Variants in RNASEH1 observed in about 807,000 individuals in gnomAD.
RNASEH1 encodes the protein ribonuclease H1.
RNASEH1 carries 27 observed loss-of-function variants against 34.6 expected under a neutral mutation model. The observed-to-expected ratio is 0.78, with a 90% CI of 0.58 to 1.08. RNASEH1 has a LOEUF of 1.08. Among genes scored for constraint, RNASEH1 ranks in the 50% least tolerant of loss-of-function variants. The probability of loss-of-function intolerance (pLI) is 0.00; values close to 1 mark genes in which losing one functional copy is unlikely to be tolerated. For synonymous variants in RNASEH1, 162 were observed against 138.4 expected, an observed-to-expected ratio of 1.17 and a Z score of -1.20; for missense variants, 349 against 373.6, an observed-to-expected ratio of 0.93 and a Z score of 0.54.
chr2:3,532,684 C>T, the RNASEH1 span, among the ~76,000 whole-genome samples: 1 of 152,210 alleles, frequency 6.6e-6, no homozygotes, highest in East Asian at 1.9e-4. Context: ...GTATCATCAT[C>T]TGACGAGGCC....
At chr2:3,541,136 GAC>G (rs1459272622), downstream of RNASEH1, among the ~76,000 whole-genome samples, 1 of 152,032 alleles carries the variant, frequency 6.6e-6, no homozygotes, top group Non-Finnish European at 1.5e-5. Context: ...AGACCATCCT[GAC>G]TAACACAGTG....
chr2:3,542,113 T>G lies in RNASEH1; in HGVS notation c.*3672A>C, dbSNP rs1223336528. On this transcript the variant is annotated 3_prime_UTR_variant, in exon 8 of 8. Transcript: ENST00000315212. ...AACACTGAGAACAGCCAATTTAGAT[T>G]TCAACATACAGATAACAGGGATCCC... Among the ~76,000 whole-genome samples, 1 of 151,956 alleles carries G rather than the reference T, an allele frequency of 6.6e-6. No homozygotes were observed. Among genetic ancestry groups the G allele is most frequent in the African/African-American group, 2.4e-5 (1 of 41,370 alleles).
intron 7 of RNASEH1, among the ~76,000 whole-genome samples, chr2:3,546,791 G>C (rs574485577): frequency 6.6e-6 from 1 of 152,232 alleles, no homozygotes. Flanking sequence ...AAAAAAGTTT[G>C]ACATGATTAT....
At chr2:3,537,031 C>T (rs867411444), downstream of RNASEH1, among the ~76,000 whole-genome samples, 3 of 152,244 alleles carry the variant, frequency 2.0e-5, no homozygotes, top group Admixed American at 1.3e-4. Flanking sequence ...AGAGGCCCCT[C>T]TCCAAATGGC....
chr2:3,540,259 AT>A (rs1668222697), downstream of RNASEH1, among the ~76,000 whole-genome samples: 1 of 152,212 alleles, frequency 6.6e-6, no homozygotes, highest in African/African-American at 2.4e-5. Context: ...TTCTAAAGAT[AT>A]AAAAAATGCA....
chr2:3,551,661 T>C (rs980382911), intron 3 of RNASEH1, among the ~76,000 whole-genome samples: 1 of 152,264 alleles, frequency 6.6e-6, no homozygotes, highest in Non-Finnish European at 1.5e-5. Context: ...AGGAGAATTC[T>C]ATTCTGTGAG....
Position 3,542,628 on chromosome 2 carries a change from A to T in RNASEH1, c.*3157T>A, listed in dbSNP as rs1340138716. Among the ~76,000 whole-genome samples the T allele has an allele frequency of 1.3e-5, 2 of 152,230 alleles. No homozygotes were observed. Among genetic ancestry groups the T allele is most frequent in the Non-Finnish European group, 2.9e-5 (2 of 68,044 alleles). ...ACAACGTAGACACAGTGCTGTTTTC[A>T]TCATCACAATTAATGCTATGGTATT... On this transcript the variant is annotated 3_prime_UTR_variant, in exon 8 of 8. Transcript: ENST00000315212.
intron 1 of RNASEH1, 43 bp downstream of exon 1, chr2:3,558,090 C>T (rs750103224): frequency 3.0e-5 from 47 of 1,555,864 alleles, no homozygotes; most frequent in Non-Finnish European, 4.0e-5. Flanking sequence ...CTCCCTCGAC[C>T]CCGATGCCGG....
intron 7 of RNASEH1, 70 bp from the exon 8 acceptor site, chr2:3,545,941 T>G (rs957868931): frequency 8.6e-7 from 1 of 1,164,560 alleles, no homozygotes; most frequent in Non-Finnish European, 1.3e-6. Flanking sequence ...TATATTGTCA[T>G]CATAAAAAAC....
rs1668359999 is a variant in RNASEH1, at chr2:3,542,170, AC to A, written c.*3614del. On this transcript the variant is annotated 3_prime_UTR_variant, in exon 8 of 8. Transcript: ENST00000315212. ...AAAAAGCCAAAGCAAGAAAAATGTAACACTAAACTCCAGTTCAAGCAAATCT... is the reference window on the plus strand; with the variant it reads ...AAAAAGCCAAAGCAAGAAAAATGTAAACTAAACTCCAGTTCAAGCAAATCT... Among the ~76,000 whole-genome samples, 1 of 152,356 alleles carries A rather than the reference AC, an allele frequency of 6.6e-6. No homozygotes were observed. Among genetic ancestry groups the A allele is most frequent in the East Asian group, 1.9e-4 (1 of 5,194 alleles).
Position 3,548,070 on chromosome 2 carries a change from G to T in RNASEH1, c.650-15C>A, listed in dbSNP as rs370328247. ...GTTAGTTATACCTACAAAAATGCAC[G>T]ATCACTGGTGAGTCAATCTTGAGTG... On this transcript the variant is annotated splice_polypyrimidine_tract_variant and intron_variant, in intron 6 of 7. Transcript: ENST00000315212. 1.2e-6 allele frequency: 2 copies of T among 1,613,620 alleles called. No individual in the cohort carries two copies. Among genetic ancestry groups the T allele is most frequent in the Middle Eastern group, 1.7e-4 (1 of 6,056 alleles).
rs546128178 is a variant in RNASEH1, at chr2:3,542,439, T to A, written c.*3346A>T. 2.7e-4 allele frequency among the ~76,000 whole-genome samples: 41 copies of A among 152,262 alleles called. No individual in the cohort carries two copies. The highest frequency in any genetic ancestry group is 9.6e-4 in the African/African-American group (40 of 41,548). The stretch of plus-strand genomic sequence containing the variant: ...TGGAAGAAAACAGAATAAAACAAGA[T>A]ACTCAAAGAAAATCTGGGCCAAGAA... On this transcript the variant is annotated 3_prime_UTR_variant, in exon 8 of 8. Coordinates refer to ENST00000315212, the MANE Select transcript of RNASEH1 (RefSeq NM_002936.6).
At position 3,548,067 on chromosome 2, in the gene RNASEH1, C is replaced by A. The variant is rs1268349773; in HGVS notation, c.650-12G>T. 1 of 1,613,750 alleles carries A rather than the reference C, an allele frequency of 6.2e-7. No homozygotes were observed. On this transcript the variant is annotated splice_polypyrimidine_tract_variant and intron_variant, in intron 6 of 7. Transcript: ENST00000315212. ...CCAGTTAGTTATACCTACAAAAATG[C>A]ACGATCACTGGTGAGTCAATCTTGA...
chr2:3,547,462 ACT>A (rs1277664941), intron 7 of RNASEH1, among the ~76,000 whole-genome samples: 1 of 149,260 alleles, frequency 6.7e-6, no homozygotes, highest in Non-Finnish European at 1.5e-5. Flanking sequence ...GATGTGAACC[ACT>A]GAGCCCAGGC....
intron 7 of RNASEH1, 112 bp downstream of exon 7, chr2:3,547,819 A>C: frequency 9.6e-7 from 1 of 1,038,938 alleles, no homozygotes. Flanking sequence ...TATGATATTA[A>C]TATCATGGAA....
In RNASEH1 at chr2:3,547,945, T is replaced by A; in HGVS notation, c.760A>T (p.Met254Leu). ...AAGATACTCACCCACTGAATGTCCA[T>A]CCCCTGGGTAAGCCTCTCCAGTGCC... ...FVALERLTQG[M>L]DIQWMHVPGH... The change falls in exon 7 of 8, where the codon ATG (methionine) becomes TTG (leucine). Residue 254 changes from methionine (M) to leucine (L), a missense_variant. By Grantham distance (15) the Met-to-Leu change is conservative. This residue lies in a region of RNASEH1 where 93 missense variants were observed against 132.9 expected (regional missense o/e 0.70). Transcript: ENST00000315212. 6.2e-7 allele frequency: 1 copy of A among 1,613,910 alleles called. No homozygotes were observed. Among genetic ancestry groups the A allele is most frequent in the Non-Finnish European group, 8.5e-7 (1 of 1,179,836 alleles).
chr2:3,552,555 C>G (rs1211545163), intron 2 of RNASEH1, among the ~76,000 whole-genome samples: 1 of 103,558 alleles, frequency 9.7e-6, no homozygotes, highest in Non-Finnish European at 2.0e-5. Flanking sequence ...CCCTCCCCTC[C>G]ACACCACCAC....
chr2:3,538,995 ATTTC>A (rs1338369312), downstream of RNASEH1, among the ~76,000 whole-genome samples: 8 of 151,974 alleles, frequency 5.3e-5, no homozygotes, highest in African/African-American at 1.7e-4. Flanking sequence ...GGCCATGAGT[ATTTC>A]TTTTTCTGTA....
intron 1 of RNASEH1, among the ~76,000 whole-genome samples, chr2:3,557,371 C>CCAG (rs1660616062): frequency 6.6e-6 from 1 of 152,158 alleles, no homozygotes; most frequent in African/African-American, 2.4e-5. Context: ...TGCCAGCCAG[C>CCAG]CAGCACACCA....
Sources: allele counts gnomAD v4.1 joint callset (sites outside exome capture counted in the v4.1 genomes callset), GRCh38; gene constraint gnomAD v4.1.1; regional missense constraint gnomAD v4.1.1; transcripts MANE v1.5; gene names NCBI Gene and HGNC (gene_info 2026-07-23, HGNC 2026-07-21).